Variants in TRIM61 observed in about 807,000 individuals in gnomAD.
TRIM61 encodes the protein tripartite motif containing 61, also known as putative tripartite motif-containing protein 61.
In TRIM61, 1 loss-of-function variant was observed where a neutral mutation model predicts 14.2. The ratio of observed to expected loss-of-function variants is 0.07; its 90% CI spans 0.03 to 0.33. The LOEUF is 0.33. TRIM61 is among the 10% of genes least tolerant of loss of function. TRIM61 has a pLI of 0.99. For missense variants in TRIM61, 19 were observed against 202.2 expected, an observed-to-expected ratio of 0.09 and a Z score of 5.49; for synonymous variants, 8 against 71.6, an observed-to-expected ratio of 0.11 and a Z score of 4.49.
At chr4:164,956,070 T>C (rs1259578034) in intron 3 of TRIM61, among the ~76,000 whole-genome samples, 1 of 152,126 alleles carries the variant, frequency 6.6e-6, no homozygotes, top group African/African-American at 2.4e-5. Context: ...AATCTTTCGT[T>C]TATTTATTTT....
chr4:164,970,762 A>C (rs1325822662), intron 2 of TRIM61, among the ~76,000 whole-genome samples: 1 of 152,182 alleles, frequency 6.6e-6, no homozygotes, highest in East Asian at 1.9e-4. Context: ...GTGACCCCTG[A>C]TTGAATCTGA....
intron 3 of TRIM61, chr4:164,958,247 G>T (rs560935761): frequency 6.0e-6 from 1 of 167,026 alleles, no homozygotes. Flanking sequence ...TAATAACTTT[G>T]CCAAAGTAAT....
chr4:164,955,998 G>T (rs542648768), intron 3 of TRIM61, among the ~76,000 whole-genome samples: 1 of 152,344 alleles, frequency 6.6e-6, no homozygotes, highest in Non-Finnish European at 1.5e-5. Flanking sequence ...AAGAGTAAGA[G>T]AAATGAGCTT....
chr4:164,974,491 C>T (rs1003347097), intron 2 of TRIM61, among the ~76,000 whole-genome samples: 9 of 152,260 alleles, frequency 5.9e-5, no homozygotes, highest in Non-Finnish European at 4.4e-5. Flanking sequence ...TTGGTATCTT[C>T]GGGTGCCCTG....
intron 2 of TRIM61, among the ~76,000 whole-genome samples, chr4:164,972,782 C>T (rs1397586437): frequency 1.3e-5 from 2 of 152,238 alleles, no homozygotes; most frequent in Non-Finnish European, 2.9e-5. Flanking sequence ...AGCCACCGCA[C>T]CTGACATGTC....
intron 3 of TRIM61, among the ~76,000 whole-genome samples, chr4:164,959,836 C>T (rs1732094084): frequency 6.6e-6 from 1 of 152,190 alleles, no homozygotes; most frequent in Admixed American, 6.5e-5. Context: ...CACTACGGGC[C>T]TAGCAGAAGG....
intron 2 of TRIM61, among the ~76,000 whole-genome samples, chr4:164,973,975 G>C (rs1197053017): frequency 6.6e-6 from 1 of 152,242 alleles, no homozygotes; most frequent in Non-Finnish European, 1.5e-5. Flanking sequence ...TCGAGAACCA[G>C]CCTGGCCAAC....
At position 164,957,356 on chromosome 4, in the gene TRIM61, C is replaced by A. The variant is rs531245124; in HGVS notation, c.526-2260G>T. 2.5e-6 allele frequency: 4 copies of A among 1,613,986 alleles called. No individual in the cohort carries two copies. The African/African-American group carries it at 5.3e-5, about 22-fold the overall frequency. Reference sequence around the variant, plus strand: ...TCCGGCTGTCACGCCACCGAAATTGCCAGGCCACTCCAAGTCAGAAGGACC... The same window carrying A: ...TCCGGCTGTCACGCCACCGAAATTGACAGGCCACTCCAAGTCAGAAGGACC... On this transcript the variant is annotated intron_variant, in intron 3 of 4. Coordinates refer to ENST00000329314, the MANE Select transcript of TRIM61 (RefSeq NM_001012414.3).
chr4:164,961,179 A>AAAAAAAAAAAAAAAAAAAAAAAAT (rs1732128656), intron 3 of TRIM61, among the ~76,000 whole-genome samples: 1 of 143,876 alleles, frequency 7.0e-6, no homozygotes, highest in Non-Finnish European at 1.5e-5. Context: ...AAAAAAAAAA[A>AAAAAAAAAAAAAAAAAAAAAAAAT]AAAAAAAAAA....
chr4:164,975,736 C>T (rs1210131601), intron 2 of TRIM61, among the ~76,000 whole-genome samples: 4 of 152,168 alleles, frequency 2.6e-5, no homozygotes, highest in Non-Finnish European at 2.9e-5. Flanking sequence ...AGGTTTCTCC[C>T]CATGTGATAG....
intron 2 of TRIM61, among the ~76,000 whole-genome samples, chr4:164,973,672 A>G (rs1387659047): frequency 6.6e-6 from 1 of 152,224 alleles, no homozygotes; most frequent in Non-Finnish European, 1.5e-5. Flanking sequence ...TTAAGCATAA[A>G]TGAATAAATT....
At chr4:164,957,274 C>A (rs1732025360) in intron 3 of TRIM61, 6 of 1,614,100 alleles carry the variant, frequency 3.7e-6, no homozygotes, top group Non-Finnish European at 4.2e-6. Context: ...GAATCGTTTT[C>A]TCCGCGTGCC....
intron 3 of TRIM61, among the ~76,000 whole-genome samples, chr4:164,965,024 A>C (rs570652791): frequency 2.0e-5 from 3 of 152,310 alleles, no homozygotes; most frequent in African/African-American, 7.2e-5. Context: ...GCAGTGGCTC[A>C]CACCTGGAAT....
At chr4:164,965,503 G>A (rs1362571754) in intron 3 of TRIM61, among the ~76,000 whole-genome samples, 3 of 138,936 alleles carry the variant, frequency 2.2e-5, no homozygotes, top group South Asian at 2.4e-4. Context: ...GCGCGATCTC[G>A]GCTCACTGCA....
intron 3 of TRIM61, among the ~76,000 whole-genome samples, chr4:164,967,667 AAAGT>A (rs1179631633): frequency 9.2e-5 from 14 of 152,120 alleles, no homozygotes; most frequent in Non-Finnish European, 1.0e-4. Context: ...AATAAAAAAT[AAAGT>A]AAGTTACTTA....
intron 3 of TRIM61, among the ~76,000 whole-genome samples, chr4:164,967,899 C>A (rs1252685115): frequency 6.6e-6 from 1 of 151,364 alleles, no homozygotes; most frequent in Non-Finnish European, 1.5e-5. Flanking sequence ...CACCTGTAAT[C>A]CCAGCACTTT....
chr4:164,975,279 C>T (rs1732457527), intron 2 of TRIM61, among the ~76,000 whole-genome samples: 1 of 149,688 alleles, frequency 6.7e-6, no homozygotes, highest in African/African-American at 2.5e-5. Context: ...TAGTAAACTG[C>T]AGAGCATCAT....
At chr4:164,957,140 T>C in intron 3 of TRIM61, 5 of 1,606,034 alleles carry the variant, frequency 3.1e-6, no homozygotes, top group Non-Finnish European at 4.3e-6. Flanking sequence ...GTGCAGGGCT[T>C]CGGGTCTCCC....
At chr4:164,962,049 C>G (rs1253104686) in intron 3 of TRIM61, among the ~76,000 whole-genome samples, 2 of 151,876 alleles carry the variant, frequency 1.3e-5, no homozygotes, top group African/African-American at 2.4e-5. Context: ...AGAAAAAGTT[C>G]CGTAAAAATA....
Sources: gnomAD v4.1 joint callset for allele counts (sites outside exome capture counted in the v4.1 genomes callset) on GRCh38, gnomAD v4.1.1 for gene constraint, MANE v1.5 for transcripts, NCBI Gene and HGNC (gene_info 2026-07-23, HGNC 2026-07-21) for gene names.